The following CDH12 variants were observed in gnomAD, a reference collection of about 807,000 sequenced individuals.
CDH12 encodes cadherin 12, also known as cadherin-12.
A neutral mutation model predicts 74.1 loss-of-function variants in CDH12; 41 were observed. That is an observed-to-expected ratio of 0.55 (90% confidence interval 0.43 to 0.72). The LOEUF (loss-of-function observed/expected upper bound fraction) is 0.72, where lower values mean the gene tolerates loss of function less well. CDH12 is among the 30% of genes least tolerant of loss of function. The probability of loss-of-function intolerance (pLI) is 0.00; values close to 1 mark genes in which losing one functional copy is unlikely to be tolerated. For missense variants in CDH12, 945 were observed against 977.2 expected (o/e 0.97, Z 0.44); for synonymous variants, 399 against 355.0 (o/e 1.12, Z -1.39).
chr5:22,273,832 C>T (rs907292654), intron 3 of CDH12, among the ~76,000 whole-genome samples: 6 of 152,196 alleles, frequency 3.9e-5, no homozygotes, highest in Non-Finnish European at 2.9e-5. Flanking sequence ...TTCTTCCACT[C>T]AAAAGCAAAA....
At chr5:21,804,347 C>G (rs1192460090) in intron 9 of CDH12, among the ~76,000 whole-genome samples, 5 of 151,984 alleles carry the variant, frequency 3.3e-5, no homozygotes, top group African/African-American at 9.7e-5. Context: ...CAGCCTAAAG[C>G]TTGAATACTG....
chr5:21,880,467 T>TTTCCTTCCTTCCTTCC lies in CDH12; in HGVS notation c.527-25693_527-25678dup, dbSNP rs1207307885. Among the ~76,000 whole-genome samples the TTTCCTTCCTTCCTTCC allele has an allele frequency of 7.8e-3, 659 of 84,868 alleles. 33 individuals are homozygous for TTTCCTTCCTTCCTTCC. The highest frequency in any genetic ancestry group is 0.01 in the Non-Finnish European group (458 of 43,784). The allele number at this position is 84,868 out of a possible 152,430, so 55.7% of individuals were successfully genotyped here. On this transcript the variant is annotated intron_variant, in intron 6 of 14. Coordinates refer to ENST00000382254, the MANE Select transcript of CDH12 (RefSeq NM_004061.5). ...CCTTCTTTCCTTCCTTCCTTCCTTC[T>TTTCCTTCCTTCCTTCC]TTCCTTCCTTCCTTCCTTCCTTCCT...
chr5:22,180,780 C>G (rs543605814), intron 4 of CDH12, among the ~76,000 whole-genome samples: 15 of 152,158 alleles, frequency 9.9e-5, no homozygotes, highest in African/African-American at 2.4e-4. Flanking sequence ...GGATTATGGG[C>G]ATGAGCCACC....
intron 1 of CDH12, among the ~76,000 whole-genome samples, chr5:22,746,312 T>C (rs748433571): frequency 7.2e-5 from 11 of 152,086 alleles, no homozygotes; most frequent in Non-Finnish European, 1.0e-4. Flanking sequence ...CCCACAACAA[T>C]AACAACAATT....
intron 1 of CDH12, among the ~76,000 whole-genome samples, chr5:22,829,150 G>A (rs961199122): frequency 1.3e-5 from 2 of 152,072 alleles, no homozygotes; most frequent in African/African-American, 4.8e-5. Context: ...AAAAATGGAG[G>A]CATACTATAG....
chr5:22,843,093 T>A (rs756821998), intron 1 of CDH12, among the ~76,000 whole-genome samples: 1 of 152,116 alleles, frequency 6.6e-6, no homozygotes, highest in Non-Finnish European at 1.5e-5. Flanking sequence ...TTTACAAAAA[T>A]TTGTTAAATA....
intron 1 of CDH12, among the ~76,000 whole-genome samples, chr5:22,693,800 G>T (rs1742208331): frequency 6.6e-6 from 1 of 151,870 alleles, no homozygotes; most frequent in South Asian, 2.1e-4. Flanking sequence ...TACAAATGAG[G>T]AGTATTTACT....
chr5:22,378,812 C>T (rs939912166), intron 3 of CDH12, among the ~76,000 whole-genome samples: 6 of 151,952 alleles, frequency 3.9e-5, no homozygotes, highest in Non-Finnish European at 8.8e-5. Context: ...CTACTTCAAG[C>T]TAAGAAAATT....
In CDH12 at chr5:22,643,794, G is replaced by C. The variant is rs79792927; in HGVS notation, c.-522-138430C>G. ...TGATGGTTTGTGGCAGCCCTGCATT[G>C]AGCAAGTCTATCAGTACCATTTTTC... is the stretch of plus-strand genomic sequence containing the variant. On this transcript the variant is annotated intron_variant, in intron 1 of 14. Coordinates refer to ENST00000382254, the MANE Select transcript of CDH12 (RefSeq NM_004061.5). Among the ~76,000 whole-genome samples the C allele has an allele frequency of 1.4e-3, 163 of 112,482 alleles. 7 individuals carry two copies. In the East Asian group the frequency reaches 0.044, roughly 31 times the overall value. 73.8% of individuals were successfully genotyped at this position (112,482 alleles called of 152,430 possible). A position where few individuals can be genotyped will look rare whatever the true frequency, so the allele number is the denominator to read the frequency against.
intron 1 of CDH12, among the ~76,000 whole-genome samples, chr5:22,717,488 C>T (rs1187477218): frequency 6.6e-6 from 1 of 152,106 alleles, no homozygotes; most frequent in Admixed American, 6.5e-5. Flanking sequence ...GGACACGTTT[C>T]TCAGAACATA....
At position 22,455,207 on chromosome 5, in the gene CDH12, T is replaced by C. The variant is rs563241497; in HGVS notation, c.-427-49856A>G. ...AAGTCTAGTAATATCGTCATTGCTG[T>C]TGTCCCAGCTGAAATTTGAAGGAGG... On this transcript the variant is annotated intron_variant, in intron 2 of 14. Transcript: ENST00000382254. Among the ~76,000 whole-genome samples the C allele has an allele frequency of 4.7e-4, 72 of 152,320 alleles. 1 individual carries two copies. In the South Asian group the frequency reaches 0.013, roughly 28 times the overall value.
At chr5:22,233,305 A>AT (rs559666290) in intron 3 of CDH12, among the ~76,000 whole-genome samples, 421 of 151,248 alleles carry the variant, frequency 2.8e-3, no homozygotes, top group African/African-American at 9.2e-3. Context: ...AAGCAAAAAA[A>AT]ATATATATAT....
At chr5:22,240,954 G>A (rs1297921903) in intron 3 of CDH12, among the ~76,000 whole-genome samples, 1 of 152,144 alleles carries the variant, frequency 6.6e-6, no homozygotes, top group Admixed American at 6.5e-5. Flanking sequence ...AGGAAGAGGA[G>A]AAGGGCAAGG....
intron 5 of CDH12, among the ~76,000 whole-genome samples, chr5:22,073,336 G>A (rs1441576915): frequency 1.3e-5 from 2 of 152,000 alleles, no homozygotes; most frequent in African/African-American, 2.4e-5. Context: ...ATTATTCTTC[G>A]GGGATAAAAG....
intron 13 of CDH12, among the ~76,000 whole-genome samples, chr5:21,756,176 T>C (rs2149864342): frequency 6.6e-6 from 1 of 152,220 alleles, no homozygotes; most frequent in East Asian, 1.9e-4. Flanking sequence ...GTTTCATGCA[T>C]AATAGAAAAT....
chr5:22,687,992 C>T (rs1196116885), intron 1 of CDH12, among the ~76,000 whole-genome samples: 1 of 151,958 alleles, frequency 6.6e-6, no homozygotes, highest in African/African-American at 2.4e-5. Context: ...CTTGAGATGG[C>T]CAATTCTGTA....
chr5:22,681,967 A>T (rs1386955916), intron 1 of CDH12, among the ~76,000 whole-genome samples: 1 of 144,758 alleles, frequency 6.9e-6, no homozygotes, highest in Admixed American at 6.7e-5. Context: ...AAACAGAAGG[A>T]AAAAAAAATC....
chr5:22,285,914 C>A (rs886851032), intron 3 of CDH12, among the ~76,000 whole-genome samples: 1 of 152,032 alleles, frequency 6.6e-6, no homozygotes, highest in African/African-American at 2.4e-5. Flanking sequence ...AAATGGCATT[C>A]ATTTACATGT....
At chr5:21,883,976 A>T in intron 6 of CDH12, 1 of 1,599,082 alleles carries the variant, frequency 6.3e-7, no homozygotes, top group Non-Finnish European at 8.6e-7. Flanking sequence ...AAGATCAAAA[A>T]ATTGGTATGG....
Sources: allele counts gnomAD v4.1 joint callset (sites outside exome capture counted in the v4.1 genomes callset), GRCh38; gene constraint gnomAD v4.1.1; transcripts MANE v1.5; gene names NCBI Gene and HGNC (gene_info 2026-07-23, HGNC 2026-07-21).